The following EXOC7 variants were observed in gnomAD, a reference collection of about 807,000 sequenced individuals.
EXOC7 encodes the protein exocyst complex component Exo70.
In EXOC7, 51 loss-of-function variants were observed where a neutral mutation model predicts 87.6. The ratio of observed to expected loss-of-function variants is 0.58; its 90% CI spans 0.46 to 0.73. The LOEUF (loss-of-function observed/expected upper bound fraction) is 0.73. EXOC7 is among the 30% of genes least tolerant of loss of function. EXOC7 has a pLI of 0.00. For missense variants in EXOC7, 744 were observed against 888.4 expected, an observed-to-expected ratio of 0.84 and a Z score of 2.07; for synonymous variants, 327 against 357.1, an observed-to-expected ratio of 0.92 and a Z score of 0.95.
intron 12 of EXOC7, chr17:76,087,025 C>T: frequency 1.4e-6 from 1 of 709,320 alleles, no homozygotes. Flanking sequence ...CCACGACAGC[C>T]AAAACACAGA....
chr17:76,089,005 T>C (rs2067346415), intron 8 of EXOC7, 82 bp from the exon 9 acceptor site: 2 of 1,476,252 alleles, frequency 1.4e-6, no homozygotes. Context: ...TTGCAGTATG[T>C]AGGGGGGCCA....
rs1177703261 is a variant in EXOC7, at chr17:76,085,336, G to T, written c.1690C>A (p.Gln564Lys). ...ERSYREHIEQ[Q>K]IQTYQRSWLK... ...CACCTGCGCTGGTAGGTCTGGATCTGCTGCTCAATGTGCTCCCGGTAGGAG... is the reference window on the plus strand; with the variant it reads ...CACCTGCGCTGGTAGGTCTGGATCTTCTGCTCAATGTGCTCCCGGTAGGAG... Residue 564 changes from glutamine (Q) to lysine (K), a missense_variant, in exon 15 of 19, where the codon CAG (glutamine) becomes AAG (lysine). By Grantham distance (53) the Gln-to-Lys change is moderately conservative. This residue lies in a region of EXOC7 where 228 missense variants were observed against 298.6 expected (regional missense o/e 0.76). Transcript: ENST00000589210. The T allele has an allele frequency of 1.2e-6, 2 of 1,605,824 alleles. No homozygotes were observed. The highest frequency in any genetic ancestry group is 1.7e-6 in the Non-Finnish European group (2 of 1,176,842).
At chr17:76,100,096 G>A (rs1479100531) in intron 4 of EXOC7, among the ~76,000 whole-genome samples, 1 of 151,780 alleles carries the variant, frequency 6.6e-6, no homozygotes, top group Non-Finnish European at 1.5e-5. Flanking sequence ...GCCAGATCCT[G>A]TCTCTTAAGA....
chr17:76,096,292 T>A (rs182997747), intron 5 of EXOC7, among the ~76,000 whole-genome samples: 1 of 152,152 alleles, frequency 6.6e-6, no homozygotes, highest in East Asian at 1.9e-4. Flanking sequence ...GGCAGGTGGA[T>A]CACCTGAGGT....
At chr17:76,101,052 AT>A (rs2068034136) in intron 4 of EXOC7, 1 of 749,482 alleles carries the variant, frequency 1.3e-6, no homozygotes, top group Non-Finnish European at 1.8e-6. Context: ...TTATAATTTA[AT>A]TTTTATAATA....
chr17:76,099,148 A>G (rs1048081505), intron 4 of EXOC7, among the ~76,000 whole-genome samples: 1 of 152,228 alleles, frequency 6.6e-6, no homozygotes. Context: ...TTATAGCAGC[A>G]TTATTCACAA....
At position 76,081,655 on chromosome 17, in the gene EXOC7, G is replaced by T. The variant is rs773278559; in HGVS notation, c.*1993C>A. 1 of 1,614,026 alleles carries T rather than the reference G, an allele frequency of 6.2e-7. No homozygotes were observed. Among genetic ancestry groups the T allele is most frequent in the African/African-American group, 1.3e-5 (1 of 74,944 alleles). ...GGTTGCTGCCCCTCCGGGCCATTGAGCGCATAGGCTACAAGGTGACATTGC... is the reference window on the plus strand; with the variant it reads ...GGTTGCTGCCCCTCCGGGCCATTGATCGCATAGGCTACAAGGTGACATTGC... On this transcript the variant is annotated 3_prime_UTR_variant, in exon 19 of 19. Coordinates refer to ENST00000589210, the MANE Select transcript of EXOC7 (RefSeq NM_001013839.4).
intron 12 of EXOC7, chr17:76,087,182 G>A: frequency 2.3e-6 from 1 of 433,500 alleles, no homozygotes; most frequent in Non-Finnish European, 4.2e-6. Context: ...TCAGTGCTTG[G>A]AATGACCCAG....
At chr17:76,095,257 G>A (rs939576917) in intron 5 of EXOC7, among the ~76,000 whole-genome samples, 1 of 151,080 alleles carries the variant, frequency 6.6e-6, no homozygotes, top group Non-Finnish European at 1.5e-5. Flanking sequence ...CCACCGCCCA[G>A]CCCTAGTTGT....
chr17:76,093,549 G>C (rs2067600161), intron 6 of EXOC7: 2 of 152,766 alleles, frequency 1.3e-5, no homozygotes, highest in African/African-American at 4.8e-5. Flanking sequence ...CCACAACTAG[G>C]GCATGTGCCC....
chr17:76,087,210 C>T (rs983692856), intron 12 of EXOC7: 14 of 395,640 alleles, frequency 3.5e-5, no homozygotes, highest in African/African-American at 2.2e-4. Context: ...CTCTTGCTTA[C>T]AGGCCAACCC....
rs1437975695 is a variant in EXOC7, at chr17:76,082,897, C to T, written c.*751G>A. 5.5e-6 allele frequency: 2 copies of T among 363,750 alleles called. No individual in the cohort carries two copies. Among genetic ancestry groups the T allele is most frequent in the Non-Finnish European group, 4.9e-6 (1 of 203,512 alleles). The allele number at this position is 363,750 out of a possible 1,614,324, so 22.5% of individuals were successfully genotyped here. A position where few individuals can be genotyped will look rare whatever the true frequency, so the allele number is the denominator to read the frequency against. On this transcript the variant is annotated 3_prime_UTR_variant, in exon 19 of 19. Transcript: ENST00000589210. ...CCCCCATTTTGCTCCTTAACTTTTC[C>T]CCATTGTCCCTGTCTCCCAGCCCAC...
chr17:76,099,760 C>G (rs1015134728), intron 4 of EXOC7, among the ~76,000 whole-genome samples: 22 of 152,168 alleles, frequency 1.4e-4, no homozygotes, highest in African/African-American at 5.3e-4. Context: ...GAGGCCAAGT[C>G]ACCATCTTGC....
In EXOC7 at chr17:76,081,716, C is replaced by T. The variant is rs1043149; in HGVS notation, c.*1932G>A. On this transcript the variant is annotated 3_prime_UTR_variant, in exon 19 of 19. Coordinates refer to ENST00000589210, the MANE Select transcript of EXOC7 (RefSeq NM_001013839.4). ...CCTCGTCCTCCACTCCTCCCTGGTG[C>T]AGGCCCTGCCCAGCTCCTCCTCCTG... The T allele has an allele frequency of 0.17, 281,077 of 1,613,942 alleles. 26,998 individuals are homozygous for T. Among genetic ancestry groups the T allele is most frequent in the Admixed American group, 0.37 (22,412 of 60,004 alleles).
Position 76,084,512 on chromosome 17 carries a change from C to T in EXOC7, c.1776+5G>A, listed in dbSNP as rs1314201131. On this transcript the variant is annotated splice_donor_5th_base_variant and intron_variant, in intron 16 of 18. Coordinates refer to ENST00000589210, the MANE Select transcript of EXOC7 (RefSeq NM_001013839.4). ...ACCCCTTCCCAGCCCAGGTCTTGAG[C>T]CCACCTTGACTCCCGGCTGGAACAC... 6.2e-7 allele frequency: 1 copy of T among 1,613,586 alleles called. No homozygotes were observed. The highest frequency in any genetic ancestry group is 8.5e-7 in the Non-Finnish European group (1 of 1,179,896).
At chr17:76,093,147 G>A (rs1436720740) in intron 6 of EXOC7, 1 of 153,020 alleles carries the variant, frequency 6.5e-6, no homozygotes, top group East Asian at 1.9e-4. Context: ...AGCAAGCACA[G>A]ACTGGCTGGG....
chr17:76,083,798 A>C (rs1224185973), intron 18 of EXOC7, 48 bp from the exon 19 acceptor site: 4 of 1,574,286 alleles, frequency 2.5e-6, no homozygotes, highest in Admixed American at 1.7e-5. Flanking sequence ...ACCCCTCCCC[A>C]GCTCCACCCT....
Position 76,083,481 on chromosome 17 carries a change from A to T in EXOC7, c.*167T>A, listed in dbSNP as rs2067068534. On this transcript the variant is annotated 3_prime_UTR_variant, in exon 19 of 19. Coordinates refer to ENST00000589210, the MANE Select transcript of EXOC7 (RefSeq NM_001013839.4). ...CTGGGAACACGGGCTGTGGGGAAAA[A>T]GCAGGAGCCAGGACTAGGGGGCTCA... 1.6e-6 allele frequency: 1 copy of T among 643,410 alleles called. No homozygotes were observed. The highest frequency in any genetic ancestry group is 1.8e-5 in the African/African-American group (1 of 54,980). 39.9% of individuals were successfully genotyped at this position (643,410 alleles called of 1,614,324 possible).
chr17:76,098,085 T>G, intron 4 of EXOC7, 67 bp from the exon 5 acceptor site: 1 of 1,398,630 alleles, frequency 7.1e-7, no homozygotes, highest in Non-Finnish European at 1.0e-6. Flanking sequence ...GGCCTTCCCC[T>G]GCCTGTGCCA....
Sources: allele counts gnomAD v4.1 joint callset (sites outside exome capture counted in the v4.1 genomes callset), GRCh38; gene constraint gnomAD v4.1.1; regional missense constraint gnomAD v4.1.1; transcripts MANE v1.5; gene names NCBI Gene and HGNC (gene_info 2026-07-23, HGNC 2026-07-21).